ZNF429: variants seen among roughly 807,000 people sequenced by gnomAD.
ZNF429 encodes the protein zinc finger protein 429.
In ZNF429, 53 loss-of-function variants were observed where a neutral mutation model predicts 56.8. The ratio of observed to expected loss-of-function variants is 0.93; its 90% CI spans 0.75 to 1.17. The LOEUF (loss-of-function observed/expected upper bound fraction) is 1.17. Ranked by LOEUF, ZNF429 falls within the 50% of genes most tolerant of loss-of-function variation. The probability of loss-of-function intolerance (pLI) is 0.00; values close to 1 mark genes in which losing one functional copy is unlikely to be tolerated. For synonymous variants in ZNF429, 278 were observed against 264.7 expected, an observed-to-expected ratio of 1.05 and a Z score of -0.49; for missense variants, 849 against 788.4, an observed-to-expected ratio of 1.08 and a Z score of -0.92.
rs946200676 is a variant in ZNF429 at position 21,538,290 on chromosome 19, A to AAAG, written c.*214_*215insGAA. On this transcript the variant is annotated 3_prime_UTR_variant, in exon 4 of 4. Transcript: ENST00000358491. ...CAGACTCCATCTCAAAAAAAAAAAA[A>AAAG]AAAAAAAAAGAAAAGAAAATTCATA... Among the ~76,000 whole-genome samples, 10 of 146,214 alleles carry AAAG rather than the reference A, an allele frequency of 6.8e-5. No individual in the cohort carries two copies. Among genetic ancestry groups the AAAG allele is most frequent in the Non-Finnish European group, 1.2e-4 (8 of 66,672 alleles).
Position 21,536,478 on chromosome 19 carries a change from G to A in ZNF429, c.425G>A (p.Ser142Asn). The change falls in exon 4 of 4, where the codon AGC becomes AAC. Residue 142 changes from serine to asparagine, a missense_variant. Transcript: ENST00000358491. Reference sequence around the variant, plus strand: ...AACCAATGTTTGACACTTACCCAGAGCAAAATGTATCACTGTGATATATAT... The same window carrying A: ...AACCAATGTTTGACACTTACCCAGAACAAAATGTATCACTGTGATATATAT... ...GLNQCLTLTQ[S>N]KMYHCDIYVK... The A allele has an allele frequency of 6.2e-7, 1 of 1,613,282 alleles. No individual in the cohort carries two copies. The highest frequency in any genetic ancestry group is 2.2e-5 in the East Asian group (1 of 44,810).
chr19:21,519,081 C>T (rs1319203898), intron 1 of ZNF429: 1 of 151,960 alleles, frequency 6.6e-6, no homozygotes, highest in East Asian at 1.9e-4. Flanking sequence ...AGTTTAGGTT[C>T]TGATATCTGC....
chr19:21,517,220 G>A (rs1463775138), intron 1 of ZNF429, among the ~76,000 whole-genome samples: 4 of 152,098 alleles, frequency 2.6e-5, no homozygotes, highest in Admixed American at 2.0e-4. Flanking sequence ...CTTTAGTTCT[G>A]TTTATGTGAT....
Position 21,537,947 on chromosome 19 carries a change from C to T in ZNF429, c.1894C>T (p.Arg632Trp), listed in dbSNP as rs373860015. 4.6e-5 allele frequency: 75 copies of T among 1,613,732 alleles called. No individual in the cohort carries two copies. In the Middle Eastern group the frequency reaches 4.9e-4, roughly 11 times the overall value. ...TGAAGAATGTGCCAAAGCTTTTACCCGGTCTTCAAGACTTACTCAACATAA... is the reference window on the plus strand; with the variant it reads ...TGAAGAATGTGCCAAAGCTTTTACCTGGTCTTCAAGACTTACTCAACATAA... ...KCEECAKAFT[R>W]SSRLTQHKKI... Residue 632 changes from arginine to tryptophan, a missense_variant, in exon 4 of 4, where the codon CGG becomes TGG. Physicochemically the swap from Arg to Trp is moderately radical, Grantham distance 101. Coordinates refer to ENST00000358491, the MANE Select transcript of ZNF429 (RefSeq NM_001001415.4).
At chr19:21,519,658 T>G (rs1478048403) in intron 1 of ZNF429, among the ~76,000 whole-genome samples, 1 of 152,228 alleles carries the variant, frequency 6.6e-6, no homozygotes, top group East Asian at 1.9e-4. Flanking sequence ...GTCTTTGTCC[T>G]TGGCCCAGTC....
intron 1 of ZNF429, among the ~76,000 whole-genome samples, chr19:21,519,784 TTG>T (rs2032919367): frequency 6.6e-6 from 1 of 152,290 alleles, no homozygotes; most frequent in South Asian, 2.1e-4. Context: ...CTGCGGAGTG[TTG>T]TAGTCTCCTA....
chr19:21,525,290 CTTATTAGTATATG>C (rs2033122729), intron 1 of ZNF429, among the ~76,000 whole-genome samples: 1 of 151,924 alleles, frequency 6.6e-6, no homozygotes, highest in Non-Finnish European at 1.5e-5. Flanking sequence ...GCTTAAATTG[CTTATTAGTATATG>C]TTATAAAATT....
At chr19:21,525,463 G>A (rs187495907) in intron 1 of ZNF429, among the ~76,000 whole-genome samples, 3 of 152,220 alleles carry the variant, frequency 2.0e-5, no homozygotes, top group Non-Finnish European at 4.4e-5. Context: ...GCCCAGTTCT[G>A]TTCAGATTCA....
At chr19:21,510,069 C>T (rs574989500) in intron 1 of ZNF429, among the ~76,000 whole-genome samples, 45 of 152,140 alleles carry the variant, frequency 3.0e-4, no homozygotes, top group Admixed American at 5.2e-4. Context: ...CGACCATGCC[C>T]GGCTGACATT....
At chr19:21,508,699 CTTT>C (rs34788876) in intron 1 of ZNF429, among the ~76,000 whole-genome samples, 2 of 143,912 alleles carry the variant, frequency 1.4e-5, no homozygotes. Context: ...TTTTCTCAGG[CTTT>C]TTTTTTTTTA....
chr19:21,537,044 C>T lies in ZNF429; in HGVS notation c.991C>T (p.His331Tyr), dbSNP rs756310171. 5 of 1,613,898 alleles carry T rather than the reference C, an allele frequency of 3.1e-6. No individual in the cohort carries two copies. In the Admixed American group the frequency reaches 6.7e-5, roughly 22 times the overall value. Residue 331 changes from histidine (H) to tyrosine (Y), a missense_variant, in exon 4 of 4, where the codon CAT becomes TAT. Physicochemically the swap from His to Tyr is moderately conservative, Grantham distance 83. Transcript: ENST00000358491. ...AFNRSSTLTSHKRIHTGEKPY... is the reference protein window; with the variant it reads ...AFNRSSTLTSYKRIHTGEKPY... The stretch of plus-strand genomic sequence containing the variant: ...TAACCGGTCCTCAACCCTTACTAGC[C>T]ATAAGAGAATACATACTGGTGAGAA...
In ZNF429 at chr19:21,537,145, T is replaced by G; in HGVS notation, c.1092T>G (p.Thr364=). 1 of 1,613,806 alleles carries G rather than the reference T, an allele frequency of 6.2e-7. No homozygotes were observed. Among genetic ancestry groups the G allele is most frequent in the Non-Finnish European group, 8.5e-7 (1 of 1,179,924 alleles). The change falls in exon 4 of 4, where the codon ACT becomes ACG. Residue 364 remains threonine (T), a synonymous_variant. Coordinates refer to ENST00000358491, the MANE Select transcript of ZNF429 (RefSeq NM_001001415.4). ...STLTKHKVIH[T]GEKPYKCEEC... ...TTACTAAACATAAGGTAATTCATAC[T>G]GGAGAGAAGCCCTACAAATGTGAAG... is the stretch of plus-strand genomic sequence containing the variant.
chr19:21,509,465 C>G (rs1446962418), intron 1 of ZNF429, among the ~76,000 whole-genome samples: 6 of 152,054 alleles, frequency 3.9e-5, no homozygotes, highest in Non-Finnish European at 8.8e-5. Flanking sequence ...TTTCAAAGAC[C>G]AAGTGAATAA....
At chr19:21,520,460 A>G (rs966065297) in intron 1 of ZNF429, among the ~76,000 whole-genome samples, 1 of 152,208 alleles carries the variant, frequency 6.6e-6, no homozygotes, top group Non-Finnish European at 1.5e-5. Context: ...TTGGAAATAT[A>G]TGTAAATCAT....
chr19:21,536,589 G>A lies in ZNF429; in HGVS notation c.536G>A (p.Gly179Asp), dbSNP rs1481606565. The change falls in exon 4 of 4, where the codon GGC becomes GAC. Residue 179 changes from glycine (G) to aspartate (D), a missense_variant. Transcript: ENST00000358491. ...AAACCTTTCCAGTGTAAAAAATGTG[G>A]CAAATCATTTTGCATGCTTTCACAA... ...GKKPFQCKKCGKSFCMLSQLT... is the reference protein window; with the variant it reads ...GKKPFQCKKCDKSFCMLSQLT... The A allele has an allele frequency of 3.1e-6, 5 of 1,613,680 alleles. No homozygotes were observed. The East Asian group carries it at 8.9e-5, about 29-fold the overall frequency.
In ZNF429 at chr19:21,508,090, T is replaced by A. The variant is rs2032268408; in HGVS notation, c.3+2316T>A. 3.3e-5 allele frequency among the ~76,000 whole-genome samples: 5 copies of A among 151,922 alleles called. No individual in the cohort carries two copies. The South Asian group carries it at 1.0e-3, about 32-fold the overall frequency. ...TAACATGATGAAATTCCGTCTCTAC[T>A]AAAAACAGAAAATTAACCAGGCGTG... On this transcript the variant is annotated intron_variant, in intron 1 of 3. Coordinates refer to ENST00000358491, the MANE Select transcript of ZNF429 (RefSeq NM_001001415.4).
chr19:21,529,532 G>C, intron 1 of ZNF429, 126 bp from the exon 2 acceptor site: 1 of 1,238,282 alleles, frequency 8.1e-7, no homozygotes. Context: ...ACTTGTATAA[G>C]TCAGAAGCAG....
chr19:21,534,836 G>T, intron 3 of ZNF429, among the ~76,000 whole-genome samples: 10 of 149,516 alleles, frequency 6.7e-5, no homozygotes, highest in Non-Finnish European at 1.0e-4. Context: ...TTGAGACGGA[G>T]TATCGCTCTG....
chr19:21,509,204 G>A (rs1165350505), intron 1 of ZNF429, among the ~76,000 whole-genome samples: 3 of 152,074 alleles, frequency 2.0e-5, no homozygotes, highest in South Asian at 2.1e-4. Context: ...ACAGGGTTTC[G>A]CCGTGTTGCC....
Sources: allele counts gnomAD v4.1 joint callset (sites outside exome capture counted in the v4.1 genomes callset), GRCh38; gene constraint gnomAD v4.1.1; transcripts MANE v1.5; gene names NCBI Gene and HGNC (gene_info 2026-07-23, HGNC 2026-07-21).